Variants in CSMD1 observed in about 807,000 individuals in gnomAD.
CSMD1 encodes CUB and Sushi multiple domains 1, also known as CUB and sushi domain-containing protein 1.
In CSMD1, 213 loss-of-function variants were observed where a neutral mutation model predicts 417.5. The ratio of observed to expected loss-of-function variants is 0.51; its 90% CI spans 0.46 to 0.57. The LOEUF (loss-of-function observed/expected upper bound fraction) is 0.57. Ranked by LOEUF, CSMD1 falls within the 20% of genes least tolerant of loss-of-function variation. CSMD1 has a pLI of 0.00. For missense variants in CSMD1, 6,923 were observed against 4,529.7 expected (o/e 1.53, Z -15.17); for synonymous variants, 2,862 against 1,736.8 (o/e 1.65, Z -16.11).
At chr8:4,035,922 C>A (rs1257403074) in intron 3 of CSMD1, among the ~76,000 whole-genome samples, 2 of 152,202 alleles carry the variant, frequency 1.3e-5, no homozygotes, top group African/African-American at 2.4e-5. Context: ...TCACCCAGAG[C>A]AACTTCCAGC....
chr8:3,533,757 C>G (rs144712562), intron 10 of CSMD1, among the ~76,000 whole-genome samples: 14 of 152,288 alleles, frequency 9.2e-5, no homozygotes, highest in East Asian at 1.9e-4. Context: ...CTTGAGGCAT[C>G]TCTTTTACTT....
chr8:4,637,937 T>C (rs1017700333), intron 1 of CSMD1, among the ~76,000 whole-genome samples: 1 of 152,080 alleles, frequency 6.6e-6, no homozygotes, highest in African/African-American at 2.4e-5. Context: ...CCCAAAGTGC[T>C]GGGATTACAG....
chr8:3,367,584 T>C (rs534397484), intron 19 of CSMD1, among the ~76,000 whole-genome samples: 57 of 152,140 alleles, frequency 3.7e-4, no homozygotes, highest in African/African-American at 1.2e-3. Context: ...AAAATCTAGC[T>C]TTGAAGTTTA....
chr8:4,782,980 A>G (rs931012868), intron 1 of CSMD1, among the ~76,000 whole-genome samples: 1 of 151,756 alleles, frequency 6.6e-6, no homozygotes, highest in East Asian at 1.9e-4. Context: ...TTCAGATTAG[A>G]AAGAATTGGG....
At chr8:4,722,330 T>C (rs898067905) in intron 1 of CSMD1, among the ~76,000 whole-genome samples, 1 of 152,184 alleles carries the variant, frequency 6.6e-6, no homozygotes, top group Non-Finnish European at 1.5e-5. Flanking sequence ...AAAATATATT[T>C]AATATCCATG....
chr8:4,028,327 A>G (rs1421622705), intron 4 of CSMD1, among the ~76,000 whole-genome samples: 6 of 152,258 alleles, frequency 3.9e-5, no homozygotes, highest in African/African-American at 1.4e-4. Flanking sequence ...ATGAATCTTT[A>G]ATAAAATGCC....
intron 3 of CSMD1, among the ~76,000 whole-genome samples, chr8:4,362,003 C>T (rs1027407704): frequency 2.6e-5 from 4 of 151,596 alleles, no homozygotes; most frequent in Non-Finnish European, 4.4e-5. Flanking sequence ...GTTTCCTATC[C>T]TTAGATTAAG....
intron 2 of CSMD1, among the ~76,000 whole-genome samples, chr8:4,582,863 C>T (rs1017398939): frequency 1.3e-5 from 2 of 152,220 alleles, no homozygotes; most frequent in Non-Finnish European, 2.9e-5. Flanking sequence ...CTGTGCGAGG[C>T]ACTTGCGGGC....
At chr8:4,254,761 T>C (rs1398833996) in intron 3 of CSMD1, among the ~76,000 whole-genome samples, 1 of 152,160 alleles carries the variant, frequency 6.6e-6, no homozygotes, top group Admixed American at 6.5e-5. Flanking sequence ...ACCATTGTGT[T>C]ACAGTTGCCT....
intron 3 of CSMD1, among the ~76,000 whole-genome samples, chr8:4,282,314 A>G (rs1429878918): frequency 1.3e-5 from 2 of 152,200 alleles, no homozygotes; most frequent in Admixed American, 1.3e-4. Context: ...ACACTGGAGC[A>G]CGCCCAAGGG....
intron 1 of CSMD1, among the ~76,000 whole-genome samples, chr8:4,909,031 A>T (rs1805490256): frequency 6.6e-6 from 1 of 152,200 alleles, no homozygotes; most frequent in Admixed American, 6.5e-5. Flanking sequence ...GTTAATAAAA[A>T]ATGTGATAAG....
chr8:4,688,279 A>C (rs918465771), intron 1 of CSMD1, among the ~76,000 whole-genome samples: 3 of 152,132 alleles, frequency 2.0e-5, no homozygotes, highest in African/African-American at 7.2e-5. Flanking sequence ...ATCTAACATA[A>C]TGAATCTATG....
rs549330781 is a variant in CSMD1 at position 4,510,538 on chromosome 8, C to G, written c.303-90473G>C. Among the ~76,000 whole-genome samples, 295 of 151,816 alleles carry G rather than the reference C, an allele frequency of 1.9e-3. 2 individuals are homozygous for G. The highest frequency in any genetic ancestry group is 7.9e-3 in the South Asian group (38 of 4,796). ...AACTTAGGTGAGTCTCTTCCCTACT[C>G]AAAGCAATCTTCCCTTCCCTCTTCC... On this transcript the variant is annotated intron_variant, in intron 2 of 69. Coordinates refer to ENST00000635120, the MANE Select transcript of CSMD1 (RefSeq NM_033225.6).
At chr8:4,837,654 G>C (rs1350665004) in intron 1 of CSMD1, among the ~76,000 whole-genome samples, 2 of 151,608 alleles carry the variant, frequency 1.3e-5, no homozygotes, top group Non-Finnish European at 2.9e-5. Context: ...ATAGTTAACA[G>C]GTACAAAAAA....
intron 10 of CSMD1, among the ~76,000 whole-genome samples, chr8:3,499,888 CTG>C (rs1796524063): frequency 6.6e-6 from 1 of 152,092 alleles, no homozygotes; most frequent in South Asian, 2.1e-4. Flanking sequence ...CTGCAGCAGC[CTG>C]AGGCCCAGAG....
chr8:3,871,099 T>C lies in CSMD1; in HGVS notation c.819-117057A>G, dbSNP rs376734259. ...TAAGCCTTATTTAACAATTGTCCTA[T>C]TAATAGACATCTAGAATATTTTCAA... On this transcript the variant is annotated intron_variant, in intron 5 of 69. Coordinates refer to ENST00000635120, the MANE Select transcript of CSMD1 (RefSeq NM_033225.6). 4.6e-5 allele frequency among the ~76,000 whole-genome samples: 7 copies of C among 152,206 alleles called. No homozygotes were observed. In the East Asian group the frequency reaches 7.7e-4, roughly 17 times the overall value.
In CSMD1 at chr8:3,160,856, T is replaced by C. The variant is rs890945131; in HGVS notation, c.5844+1303A>G. Among the ~76,000 whole-genome samples the C allele has an allele frequency of 3.9e-5, 6 of 152,226 alleles. No homozygotes were observed. The East Asian group carries it at 5.8e-4, about 15-fold the overall frequency. ...CACTTGGTAATGCACCCCTTTAGCA[T>C]TCAGCGTTTGCCAGCCCCTGTTCTT... On this transcript the variant is annotated intron_variant, in intron 38 of 69. Coordinates refer to ENST00000635120, the MANE Select transcript of CSMD1 (RefSeq NM_033225.6).
At chr8:3,457,001 C>T (rs1277088200) in intron 12 of CSMD1, among the ~76,000 whole-genome samples, 1 of 151,798 alleles carries the variant, frequency 6.6e-6, no homozygotes. Flanking sequence ...ATTTTGTACT[C>T]CTTCCCTTGC....
intron 3 of CSMD1, among the ~76,000 whole-genome samples, chr8:4,196,488 T>A (rs1031713335): frequency 6.6e-6 from 1 of 152,158 alleles, no homozygotes; most frequent in African/African-American, 2.4e-5. Flanking sequence ...GCTTTTAGAA[T>A]CCAGTTTGTT....
Sources: gnomAD v4.1 joint callset for allele counts (sites outside exome capture counted in the v4.1 genomes callset) on GRCh38, gnomAD v4.1.1 for gene constraint, MANE v1.5 for transcripts, NCBI Gene and HGNC (gene_info 2026-07-23, HGNC 2026-07-21) for gene names.